Variants in VAV3 observed in about 807,000 individuals in gnomAD.
The protein encoded by VAV3 is guanine nucleotide exchange factor VAV3.
Under a neutral mutation model 131.2 loss-of-function variants are expected in VAV3, and 94 were observed. That is an observed-to-expected ratio of 0.72 (90% CI 0.61 to 0.85). The LOEUF (loss-of-function observed/expected upper bound fraction) is 0.85, where lower values mean the gene tolerates loss of function less well. Ranked by LOEUF, VAV3 falls within the 40% of genes least tolerant of loss-of-function variation. VAV3 has a pLI of 0.00. For synonymous variants in VAV3, 349 were observed against 342.0 expected, an observed-to-expected ratio of 1.02 and a Z score of -0.22; for missense variants, 939 against 1,002.7, an observed-to-expected ratio of 0.94 and a Z score of 0.86.
chr1:107,660,127 G>GT (rs1234237318), intron 19 of VAV3, among the ~76,000 whole-genome samples: 3 of 151,996 alleles, frequency 2.0e-5, no homozygotes, highest in African/African-American at 7.2e-5. Flanking sequence ...CCCACTCCAT[G>GT]TTTTTTTCTT....
intron 21 of VAV3, 111 bp downstream of exon 21, chr1:107,617,456 T>C (rs1016449294): frequency 2.6e-6 from 2 of 766,834 alleles, no homozygotes; most frequent in African/African-American, 1.8e-5. Flanking sequence ...CCAGAAAATA[T>C]TAATAAAATT....
chr1:107,904,152 C>T (rs11185211), intron 1 of VAV3, among the ~76,000 whole-genome samples: 16 of 152,054 alleles, frequency 1.1e-4, no homozygotes, highest in Admixed American at 5.2e-4. Context: ...AGGGCCACTA[C>T]GTAGACACTG....
intron 19 of VAV3, among the ~76,000 whole-genome samples, chr1:107,652,656 G>C (rs537084956): frequency 6.6e-6 from 1 of 151,596 alleles, no homozygotes; most frequent in South Asian, 2.1e-4. Context: ...AAATTTGTAT[G>C]ATAAACATTT....
intron 1 of VAV3, among the ~76,000 whole-genome samples, chr1:107,891,172 G>C (rs1007217624): frequency 6.6e-5 from 10 of 150,574 alleles, no homozygotes; most frequent in Non-Finnish European, 1.3e-4. Context: ...AATCTGATTT[G>C]GACAATAAAT....
Position 107,736,693 on chromosome 1 carries a change from C to T in VAV3, c.1502+12275G>A, listed in dbSNP as rs201820314. On this transcript the variant is annotated intron_variant, in intron 15 of 26. Coordinates refer to ENST00000370056, the MANE Select transcript of VAV3 (RefSeq NM_006113.5). ...AGGAGAACTACAAACCACTGCTCAA[C>T]GAAATAAAAGAAGACACAAACAAAT... 1.1e-3 allele frequency among the ~76,000 whole-genome samples: 159 copies of T among 149,020 alleles called. 1 individual carries two copies. In the South Asian group the frequency reaches 0.015, roughly 14 times the overall value.
At chr1:107,932,636 C>T (rs1288895684) in intron 1 of VAV3, among the ~76,000 whole-genome samples, 2 of 152,010 alleles carry the variant, frequency 1.3e-5, no homozygotes, top group Non-Finnish European at 2.9e-5. Context: ...TTAAAGATCT[C>T]GAGATAGGGA....
intron 2 of VAV3, among the ~76,000 whole-genome samples, chr1:107,868,085 C>G (rs1294137689): frequency 6.6e-6 from 1 of 152,168 alleles, no homozygotes; most frequent in Non-Finnish European, 1.5e-5. Flanking sequence ...CACACAGAAC[C>G]AGTCTTGTGC....
intron 1 of VAV3, chr1:107,897,397 G>C (rs1193602866): frequency 6.6e-6 from 1 of 151,674 alleles, no homozygotes. Flanking sequence ...GGGAGAAAGA[G>C]AGAAAAGACA....
chr1:107,736,739 T>C (rs1221691542), intron 15 of VAV3, among the ~76,000 whole-genome samples: 1 of 151,896 alleles, frequency 6.6e-6, no homozygotes, highest in Non-Finnish European at 1.5e-5. Flanking sequence ...TCCATGCTCA[T>C]GGATAGGAAG....
At chr1:107,636,215 TA>T (rs1347028832) in intron 20 of VAV3, among the ~76,000 whole-genome samples, 1 of 152,194 alleles carries the variant, frequency 6.6e-6, no homozygotes, top group African/African-American at 2.4e-5. Context: ...CAATAAACCA[TA>T]AGATTCTGGA....
chr1:107,774,586 G>C (rs1331668290), intron 4 of VAV3, among the ~76,000 whole-genome samples: 1 of 152,124 alleles, frequency 6.6e-6, no homozygotes, highest in Non-Finnish European at 1.5e-5. Context: ...TTTTCAAATG[G>C]TCAATAAATC....
chr1:107,700,732 G>A (rs542393755), intron 17 of VAV3, among the ~76,000 whole-genome samples: 1 of 152,268 alleles, frequency 6.6e-6, no homozygotes, highest in South Asian at 2.1e-4. Context: ...CCGTGCTTTT[G>A]CCATTGTGAA....
chr1:107,773,479 C>T (rs1665164522), intron 4 of VAV3, among the ~76,000 whole-genome samples: 1 of 152,154 alleles, frequency 6.6e-6, no homozygotes, highest in Non-Finnish European at 1.5e-5. Flanking sequence ...CTTTCAAGCC[C>T]ATTCAGAGGA....
chr1:107,897,405 A>T (rs904384294), intron 1 of VAV3: 2 of 151,852 alleles, frequency 1.3e-5, no homozygotes, highest in African/African-American at 4.8e-5. Flanking sequence ...GAGAGAAAAG[A>T]CAAGAAGAGG....
At chr1:107,796,352 G>A (rs542448986) in intron 2 of VAV3, among the ~76,000 whole-genome samples, 1 of 152,200 alleles carries the variant, frequency 6.6e-6, no homozygotes, top group Admixed American at 6.5e-5. Flanking sequence ...TCCTATCAGT[G>A]AGCAAACAGC....
chr1:107,912,264 A>G (rs1326104011), intron 1 of VAV3, among the ~76,000 whole-genome samples: 2 of 152,220 alleles, frequency 1.3e-5, no homozygotes, highest in African/African-American at 4.8e-5. Context: ...AAAAAATACT[A>G]AACAAAACTA....
At chr1:107,753,529 T>TATATATATATATATATATAC (rs1557822028) in intron 12 of VAV3, among the ~76,000 whole-genome samples, 6 of 19,396 alleles carry the variant, frequency 3.1e-4, no homozygotes, top group African/African-American at 9.3e-4. Flanking sequence ...TATATATACG[T>TATATATATATATATATATAC]ATATATATAT....
chr1:107,612,872 T>C (rs1652860598), intron 21 of VAV3, among the ~76,000 whole-genome samples: 1 of 152,130 alleles, frequency 6.6e-6, no homozygotes, highest in Non-Finnish European at 1.5e-5. Flanking sequence ...AAGGTTTCTA[T>C]CTGAATTTTA....
chr1:107,928,442 C>CA (rs1391392618), intron 1 of VAV3, among the ~76,000 whole-genome samples: 79 of 152,162 alleles, frequency 5.2e-4, no homozygotes, highest in African/African-American at 1.9e-3. Context: ...CCTGGAGAAA[C>CA]AGAGATATGT....
Sources: allele counts gnomAD v4.1 joint callset (sites outside exome capture counted in the v4.1 genomes callset), GRCh38; gene constraint gnomAD v4.1.1; transcripts MANE v1.5; gene names NCBI Gene and HGNC (gene_info 2026-07-23, HGNC 2026-07-21).